LIPA: variants seen among roughly 807,000 people sequenced by gnomAD.
The protein encoded by LIPA is lysosomal acid lipase/cholesteryl ester hydrolase.
Under a neutral mutation model 40.6 loss-of-function variants are expected in LIPA, and 26 were observed. That is an observed-to-expected ratio of 0.64 (90% CI 0.47 to 0.89). The LOEUF is 0.89. LIPA is among the 40% of genes least tolerant of loss of function. The probability of loss-of-function intolerance (pLI) is 0.00; values close to 1 mark genes in which losing one functional copy is unlikely to be tolerated. For synonymous variants in LIPA, 188 were observed against 168.4 expected, an observed-to-expected ratio of 1.12 and a Z score of -0.90; for missense variants, 455 against 479.6, an observed-to-expected ratio of 0.95 and a Z score of 0.48.
chr10:89,217,294 T>C (rs915407150), intron 8 of LIPA, among the ~76,000 whole-genome samples: 2 of 152,234 alleles, frequency 1.3e-5, no homozygotes, highest in Non-Finnish European at 2.9e-5. Flanking sequence ...TGAGATGATA[T>C]ACTATAGGGG....
intron 2 of LIPA, among the ~76,000 whole-genome samples, chr10:89,389,430 G>A (rs1844230013): frequency 6.6e-6 from 1 of 152,190 alleles, no homozygotes; most frequent in African/African-American, 2.4e-5. Context: ...CTGCTGAGGA[G>A]ACAGAGAAGC....
At chr10:89,315,545 G>T (rs1166507481) in intron 1 of LIPA, among the ~76,000 whole-genome samples, 3 of 150,818 alleles carry the variant, frequency 2.0e-5, no homozygotes, top group Non-Finnish European at 2.9e-5. Flanking sequence ...AGGTTTTTAT[G>T]AATATTTACA....
intron 1 of LIPA, chr10:89,306,013 T>G: frequency 6.2e-7 from 1 of 1,614,040 alleles, no homozygotes; most frequent in Non-Finnish European, 8.5e-7. Context: ...TAAAATGCCA[T>G]TTCACCTGGA....
intron 2 of LIPA, chr10:89,403,937 G>GA (rs774505181): frequency 3.5e-5 from 14 of 397,562 alleles, no homozygotes; most frequent in Non-Finnish European, 5.8e-5. Context: ...ATGTAGTAGA[G>GA]AAAAAATGTT....
chr10:89,368,741 C>T (rs1844075261), intron 2 of LIPA, among the ~76,000 whole-genome samples: 1 of 152,102 alleles, frequency 6.6e-6, no homozygotes, highest in Admixed American at 6.6e-5. Context: ...GTCCACTTTT[C>T]CTGCTCTGGC....
chr10:89,285,689 C>T (rs893635872), intron 1 of LIPA, among the ~76,000 whole-genome samples: 1 of 151,992 alleles, frequency 6.6e-6, no homozygotes, highest in African/African-American at 2.4e-5. Context: ...TTTCTCTCCA[C>T]TTTCCTGGGG....
intron 1 of LIPA, among the ~76,000 whole-genome samples, chr10:89,270,429 C>T (rs1016539448): frequency 2.0e-5 from 3 of 152,204 alleles, no homozygotes; most frequent in Admixed American, 6.5e-5. Flanking sequence ...TGGCAAGACA[C>T]AAGTGGGTGG....
intron 1 of LIPA, among the ~76,000 whole-genome samples, chr10:89,315,044 T>C (rs541754004): frequency 1.3e-5 from 2 of 152,308 alleles, no homozygotes; most frequent in East Asian, 3.9e-4. Flanking sequence ...GATAGGCAAC[T>C]TTTCCCTGGG....
intron 1 of LIPA, among the ~76,000 whole-genome samples, chr10:89,280,803 GT>G (rs1041202103): frequency 4.6e-5 from 7 of 152,142 alleles, no homozygotes; most frequent in African/African-American, 1.7e-4. Context: ...CTGCTCCAGT[GT>G]TTTTTAATGG....
intron 1 of LIPA, chr10:89,306,398 A>C (rs1843479233): frequency 1.9e-6 from 3 of 1,614,134 alleles, no homozygotes; most frequent in Non-Finnish European, 2.5e-6. Flanking sequence ...GACACGGTTA[A>C]AGTGTGGAGG....
chr10:89,221,112 A>G (rs1408267217), intron 8 of LIPA, among the ~76,000 whole-genome samples: 2 of 152,174 alleles, frequency 1.3e-5, no homozygotes, highest in East Asian at 1.9e-4. Flanking sequence ...GGATGATGAT[A>G]TATTTGCTGT....
At chr10:89,301,015 A>T (rs986990405) in intron 1 of LIPA, among the ~76,000 whole-genome samples, 49 of 152,194 alleles carry the variant, frequency 3.2e-4, no homozygotes. Flanking sequence ...AATAATTATA[A>T]TAGAAACTAG....
At chr10:89,260,484 A>G (rs1209662962) in intron 1 of LIPA, among the ~76,000 whole-genome samples, 2 of 152,170 alleles carry the variant, frequency 1.3e-5, no homozygotes, top group Admixed American at 6.5e-5. Flanking sequence ...TGTGGAGAAG[A>G]TTGGCTAAGC....
At chr10:89,348,545 C>G (rs931477320) in intron 2 of LIPA, among the ~76,000 whole-genome samples, 3 of 152,184 alleles carry the variant, frequency 2.0e-5, no homozygotes, top group Non-Finnish European at 2.9e-5. Context: ...GCCAAACACC[C>G]ACAGTGGGGT....
chr10:89,306,124 A>G (rs754416325), intron 1 of LIPA: 1 of 1,614,130 alleles, frequency 6.2e-7, no homozygotes, highest in South Asian at 1.1e-5. Flanking sequence ...TGTGCAACCT[A>G]CTGGCCTATC....
chr10:89,259,031 G>A (rs1379091591), intron 1 of LIPA, among the ~76,000 whole-genome samples: 2 of 152,216 alleles, frequency 1.3e-5, no homozygotes, highest in Admixed American at 6.5e-5. Context: ...TAGTTGCCTA[G>A]GGATGATGGT....
chr10:89,319,361 T>A lies in LIPA; in HGVS notation c.-2+23250A>T, dbSNP rs191266839. Among the ~76,000 whole-genome samples the A allele has an allele frequency of 6.8e-3, 1,029 of 152,054 alleles. 16 individuals carry two copies. Among genetic ancestry groups the A allele is most frequent in the East Asian group, 0.051 (266 of 5,186 alleles). On this transcript the variant is annotated intron_variant, in intron 1 of 5. Coordinates refer to the LIPA transcript ENST00000282673. ...GAGAGAAGAATCAAATAGATGCAAT[T>A]AAAAATGATAAAGGGGATATCACCA...
intron 1 of LIPA, among the ~76,000 whole-genome samples, chr10:89,324,848 G>A (rs1843590642): frequency 6.6e-6 from 1 of 152,156 alleles, no homozygotes. Flanking sequence ...TCCCTGCAAA[G>A]GACACAACTC....
rs184077816 is a variant in LIPA at position 89,326,365 on chromosome 10, T to A, written c.-2+16246A>T. Among the ~76,000 whole-genome samples the A allele has an allele frequency of 2.6e-5, 4 of 152,290 alleles. 1 individual carries two copies. Among genetic ancestry groups the A allele is most frequent in the Non-Finnish European group, 5.9e-5 (4 of 68,020 alleles). ...GACAAATTTTACATATTCTCACTTG[T>A]TTGTGGAAGCTAAAAATATTAAGAC... On this transcript the variant is annotated intron_variant, in intron 1 of 5. Transcript: ENST00000282673.
Sources: gnomAD v4.1 joint callset for allele counts (sites outside exome capture counted in the v4.1 genomes callset) on GRCh38, gnomAD v4.1.1 for gene constraint, MANE v1.5 for transcripts, NCBI Gene and HGNC (gene_info 2026-07-23, HGNC 2026-07-21) for gene names.